ALG6: variants seen among roughly 807,000 people sequenced by gnomAD.
The protein encoded by ALG6 is ALG6 alpha-1,3-glucosyltransferase, also known as dolichyl pyrophosphate Man9GlcNAc2 alpha-1,3-glucosyltransferase.
ALG6 carries 46 observed loss-of-function variants against 66.6 expected under a neutral mutation model. The ratio of observed to expected loss-of-function variants is 0.69; its 90% CI spans 0.55 to 0.88. The LOEUF is 0.88. Among genes scored for constraint, ALG6 ranks in the 40% least tolerant of loss-of-function variants. ALG6 has a pLI of 0.00. For missense variants in ALG6, 505 were observed against 586.8 expected (o/e 0.86, Z 1.44); for synonymous variants, 185 against 203.7 (o/e 0.91, Z 0.78).
intron 2 of ALG6, among the ~76,000 whole-genome samples, chr1:63,396,023 A>G (rs1330629300): frequency 1.3e-5 from 2 of 152,206 alleles, no homozygotes; most frequent in African/African-American, 4.8e-5. Flanking sequence ...AGATGATTTA[A>G]AGTATACAAG....
chr1:63,375,668 G>C (rs976712208), intron 2 of ALG6, among the ~76,000 whole-genome samples: 7 of 152,104 alleles, frequency 4.6e-5, no homozygotes, highest in African/African-American at 1.7e-4. Context: ...ATCTGGAATA[G>C]TATGTAAGCT....
chr1:63,434,143 G>T (rs978492303), intron 14 of ALG6, among the ~76,000 whole-genome samples: 2 of 152,160 alleles, frequency 1.3e-5, no homozygotes, highest in Non-Finnish European at 2.9e-5. Flanking sequence ...TTTTTAAAAG[G>T]TCCCTATGGT....
At chr1:63,429,532 T>TTCAAGA (rs757191460) in intron 14 of ALG6, 7 of 165,702 alleles carry the variant, frequency 4.2e-5, no homozygotes, top group Non-Finnish European at 6.6e-5. Flanking sequence ...AGACTAAAAG[T>TTCAAGA]TCAAGATCAA....
intron 2 of ALG6, among the ~76,000 whole-genome samples, chr1:63,379,769 T>C (rs1648245607): frequency 6.7e-6 from 1 of 149,248 alleles, no homozygotes. Flanking sequence ...AAATCATACA[T>C]TATATATAAA....
chr1:63,419,282 G>T, intron 11 of ALG6, 88 bp from the exon 12 acceptor site: 1 of 1,114,210 alleles, frequency 9.0e-7, no homozygotes, highest in South Asian at 1.4e-5. Context: ...ACTTTCATTT[G>T]AAATGATTTT....
intron 14 of ALG6, among the ~76,000 whole-genome samples, chr1:63,432,628 TTTTG>T (rs1190163673): frequency 6.6e-6 from 1 of 152,206 alleles, no homozygotes. Context: ...GTGCTCTGAT[TTTTG>T]TTTGTTGAAT....
At position 63,437,104 on chromosome 1, in the gene ALG6, T is replaced by C; in HGVS notation, c.*84T>C. On this transcript the variant is annotated 3_prime_UTR_variant, in exon 15 of 15. Transcript: ENST00000263440. The stretch of plus-strand genomic sequence containing the variant: ...GGTTTTGTGAACTTTTTGCTATGTA[T>C]AAATGAAATTACCATTTTGAGAACC... The C allele has an allele frequency of 8.4e-7, 1 of 1,187,840 alleles. No individual in the cohort carries two copies. 73.6% of individuals were successfully genotyped at this position (1,187,840 alleles called of 1,614,324 possible). A position where few individuals can be genotyped will look rare whatever the true frequency, so the allele number is the denominator to read the frequency against.
At chr1:63,406,523 C>T in intron 6 of ALG6, 124 bp downstream of exon 6, 2 of 836,014 alleles carry the variant, frequency 2.4e-6, no homozygotes, top group Non-Finnish European at 3.9e-6. Flanking sequence ...ATTGTATCTT[C>T]TATCAATTTT....
intron 1 of ALG6, among the ~76,000 whole-genome samples, chr1:63,369,928 C>T (rs914039161): frequency 1.3e-5 from 2 of 151,948 alleles, no homozygotes; most frequent in South Asian, 2.1e-4. Flanking sequence ...AAGCGATTCT[C>T]CTGCCTCAGC....
At chr1:63,415,281 A>C (rs981066421) in intron 10 of ALG6, among the ~76,000 whole-genome samples, 2 of 152,174 alleles carry the variant, frequency 1.3e-5, no homozygotes, top group Non-Finnish European at 2.9e-5. Flanking sequence ...CCATAGTACT[A>C]AATGGTTCCA....
At chr1:63,428,542 C>T (rs1012124382) in intron 12 of ALG6, 191 bp from the exon 13 acceptor site, 5 of 483,392 alleles carry the variant, frequency 1.0e-5, no homozygotes, top group African/African-American at 4.0e-5. Flanking sequence ...GTTGACACCT[C>T]TGTGCCTGTG....
At chr1:63,412,187 G>C in intron 9 of ALG6, 126 bp downstream of exon 9, 1 of 1,402,862 alleles carries the variant, frequency 7.1e-7, no homozygotes, top group Non-Finnish European at 1.0e-6. Context: ...TTCCTTGCCA[G>C]TTATTGCTTG....
chr1:63,414,960 G>A (rs1190145181), intron 10 of ALG6, among the ~76,000 whole-genome samples: 1 of 152,204 alleles, frequency 6.6e-6, no homozygotes, highest in African/African-American at 2.4e-5. Context: ...ATTTGATTAA[G>A]TTAGGCGCCT....
intron 6 of ALG6, 150 bp from the exon 7 acceptor site, chr1:63,406,912 A>G: frequency 3.2e-6 from 2 of 631,110 alleles, no homozygotes; most frequent in Non-Finnish European, 5.7e-6. Flanking sequence ...AAAGAGTTGT[A>G]TTATAAAAAT....
At chr1:63,388,879 TTAAA>T (rs1264075788) in intron 2 of ALG6, among the ~76,000 whole-genome samples, 2 of 152,202 alleles carry the variant, frequency 1.3e-5, no homozygotes, top group African/African-American at 2.4e-5. Context: ...CTTCAGTACT[TTAAA>T]TATGTTGTGC....
chr1:63,406,655 T>C lies in ALG6; in HGVS notation c.429+256T>C, dbSNP rs368838077. 7.2e-3 allele frequency among the ~76,000 whole-genome samples: 1,099 copies of C among 152,220 alleles called. 9 individuals are homozygous for C. The highest frequency in any genetic ancestry group is 0.032 in the South Asian group (153 of 4,832). On this transcript the variant is annotated intron_variant, in intron 6 of 14. Transcript: ENST00000263440. ...TGCCTTGCTGAATTTGTTACTTTAC[T>C]GGTAAAGCTGAATTTTGAGCTGGCT...
Position 63,414,152 on chromosome 1 carries a change from A to G in ALG6, c.902+6A>G, listed in dbSNP as rs1291329120. 6.4e-7 allele frequency: 1 copy of G among 1,574,208 alleles called. No individual in the cohort carries two copies. The highest frequency in any genetic ancestry group is 1.3e-5 in the African/African-American group (1 of 74,110). ...CACATCCAATTAATAATGAGGTAAG[A>G]GAAACAAAGTTTGTATGTAGTATTT... On this transcript the variant is annotated splice_donor_region_variant and intron_variant, in intron 10 of 14. Coordinates refer to ENST00000263440, the MANE Select transcript of ALG6 (RefSeq NM_013339.4).
chr1:63,387,991 G>A (rs1257786473), intron 2 of ALG6, among the ~76,000 whole-genome samples: 44 of 152,056 alleles, frequency 2.9e-4, no homozygotes, highest in Admixed American at 2.9e-3. Context: ...AATGAAGTAT[G>A]TTTCTTGTAG....
At chr1:63,392,193 A>G (rs1648693624) in intron 2 of ALG6, among the ~76,000 whole-genome samples, 1 of 150,532 alleles carries the variant, frequency 6.6e-6, no homozygotes, top group South Asian at 2.1e-4. Context: ...TTTTCTTCAG[A>G]CAAGTCTTGC....
Sources: allele counts gnomAD v4.1 joint callset (sites outside exome capture counted in the v4.1 genomes callset), GRCh38; gene constraint gnomAD v4.1.1; transcripts MANE v1.5; gene names NCBI Gene and HGNC (gene_info 2026-07-23, HGNC 2026-07-21).